The following TBC1D5 variants were observed in gnomAD, a reference collection of about 807,000 sequenced individuals.
The protein encoded by TBC1D5 is TBC1 domain family member 5.
In TBC1D5, 75 loss-of-function variants were observed where a neutral mutation model predicts 100.3. The observed-to-expected ratio is 0.75, with a 90% CI of 0.62 to 0.91. The LOEUF is 0.91. Ranked by LOEUF, TBC1D5 falls within the 40% of genes least tolerant of loss-of-function variation. The pLI is 0.00. For missense variants in TBC1D5, 910 were observed against 942.4 expected (o/e 0.97, Z 0.45); for synonymous variants, 323 against 325.6 (o/e 0.99, Z 0.09).
chr3:17,573,194 C>T (rs919424012), intron 2 of TBC1D5, among the ~76,000 whole-genome samples: 1 of 152,042 alleles, frequency 6.6e-6, no homozygotes, highest in East Asian at 1.9e-4. Flanking sequence ...CAACCAACCT[C>T]TCCCGCAGGT....
exon 5 of TBC1D5, chr3:17,406,446 C>T (rs765340563): frequency 6.2e-7 from 1 of 1,610,276 alleles, no homozygotes; most frequent in Non-Finnish European, 8.5e-7. Context: ...GAACCTGCTG[C>T]TTCTCAGCTG....
At position 17,199,476 on chromosome 3, in the gene TBC1D5, T is replaced by C. The variant is rs184099676; in HGVS notation, c.1753-14268A>G. On this transcript the variant is annotated intron_variant, in intron 18 of 21. Transcript: ENST00000253692. ...TATTTTATGGAATATTTTCACATCA[T>C]GATACATGAATAACAGTTGCATGTA... 4.6e-5 allele frequency among the ~76,000 whole-genome samples: 7 copies of C among 152,352 alleles called. No homozygotes were observed. In the East Asian group the frequency reaches 1.2e-3, roughly 25 times the overall value.
chr3:17,705,471 G>A (rs1163974159), intron 1 of TBC1D5, among the ~76,000 whole-genome samples: 12 of 149,816 alleles, frequency 8.0e-5, no homozygotes, highest in African/African-American at 2.7e-4. Flanking sequence ...GTCGGGCGGA[G>A]GGGCTCCTCA....
At chr3:17,289,470 C>G (rs778176265) in intron 15 of TBC1D5, among the ~76,000 whole-genome samples, 1 of 151,994 alleles carries the variant, frequency 6.6e-6, no homozygotes, top group Non-Finnish European at 1.5e-5. Context: ...CCCATATCTA[C>G]TAAAAATACA....
rs1251267558 is a variant in TBC1D5, at chr3:17,363,544, CT to C, written c.995+8530del. On this transcript the variant is annotated intron_variant, in intron 13 of 21. Coordinates refer to ENST00000253692, the Ensembl canonical transcript of TBC1D5. Reference sequence around the variant, plus strand: ...CACCACCATACCTGGCTAATTTTTTCTTTTTTTTCTTTCCTTTTTCTTTCTT... The same window carrying C: ...CACCACCATACCTGGCTAATTTTTTCTTTTTTTCTTTCCTTTTTCTTTCTT... Among the ~76,000 whole-genome samples, 3 of 150,944 alleles carry C rather than the reference CT, an allele frequency of 2.0e-5. No individual in the cohort carries two copies. In the East Asian group the frequency reaches 5.8e-4, roughly 29 times the overall value.
chr3:17,668,678 T>C (rs2067559881), intron 1 of TBC1D5, among the ~76,000 whole-genome samples: 1 of 152,158 alleles, frequency 6.6e-6, no homozygotes. Context: ...TCATTCTGCG[T>C]AAACTGCCAA....
Position 17,166,804 on chromosome 3 carries a change from T to C in TBC1D5, c.2057A>G (p.Gln686Arg), listed in dbSNP as rs374946583. 1.2e-5 allele frequency: 19 copies of C among 1,614,072 alleles called. No homozygotes were observed. The African/African-American group carries it at 2.0e-4, about 17-fold the overall frequency. ...CCCTGACATTTGAACGCTCTGGCCT[T>C]GGCCTCGGCCCTGGCCCTGGCCGCT... The change falls in exon 21 of 22, where the codon CAA (glutamine) becomes CGA (arginine). Residue 686 changes from glutamine to arginine, a missense_variant. By Grantham distance (43) the Gln-to-Arg change is conservative. Coordinates refer to ENST00000253692, the Ensembl canonical transcript of TBC1D5.
intron 4 of TBC1D5, among the ~76,000 whole-genome samples, chr3:17,408,417 C>T (rs545919292): frequency 6.6e-6 from 1 of 152,132 alleles, no homozygotes; most frequent in South Asian, 2.1e-4. Context: ...TCAATCAATC[C>T]TCCCACCTCA....
intron 2 of TBC1D5, among the ~76,000 whole-genome samples, chr3:17,590,839 G>C (rs1173470745): frequency 6.6e-6 from 1 of 152,050 alleles, no homozygotes; most frequent in African/African-American, 2.4e-5. Flanking sequence ...ATTAATCATG[G>C]TGTTCCTAGA....
chr3:17,591,383 T>C (rs1197235536), intron 2 of TBC1D5, among the ~76,000 whole-genome samples: 1 of 150,886 alleles, frequency 6.6e-6, no homozygotes, highest in East Asian at 2.0e-4. Flanking sequence ...GACCCCACTA[T>C]ATTACCGACA....
intron 19 of TBC1D5, among the ~76,000 whole-genome samples, chr3:17,171,822 T>C (rs143785458): frequency 1.5e-3 from 228 of 152,316 alleles, no homozygotes; most frequent in Non-Finnish European, 2.6e-3. Flanking sequence ...CTAATTGTTA[T>C]ACAGGATGAA....
chr3:17,738,096 C>CAAGAA (rs2077104654), intron 1 of TBC1D5, among the ~76,000 whole-genome samples: 2 of 152,184 alleles, frequency 1.3e-5, no homozygotes, highest in Non-Finnish European at 2.9e-5. Context: ...TTTTTTTCTA[C>CAAGAA]AGCCCTACTT....
intron 1 of TBC1D5, among the ~76,000 whole-genome samples, chr3:17,735,868 G>A (rs1648164802): frequency 1.3e-5 from 2 of 152,160 alleles, no homozygotes; most frequent in African/African-American, 2.4e-5. Flanking sequence ...TAACAAACAC[G>A]GACCAGAAGA....
At chr3:17,705,801 C>T (rs2074061067) in intron 1 of TBC1D5, among the ~76,000 whole-genome samples, 1 of 140,000 alleles carries the variant, frequency 7.1e-6, no homozygotes, top group African/African-American at 2.7e-5. Flanking sequence ...ACATCCCAGA[C>T]GATGGGCGGC....
intron 1 of TBC1D5, among the ~76,000 whole-genome samples, chr3:17,627,387 A>G (rs995102872): frequency 3.3e-5 from 5 of 152,208 alleles, no homozygotes; most frequent in Non-Finnish European, 7.3e-5. Flanking sequence ...TGAATACATA[A>G]TAGTTTAAAA....
At chr3:17,372,195 C>T in exon 13 of TBC1D5, 4 of 1,613,434 alleles carry the variant, frequency 2.5e-6, no homozygotes, top group Non-Finnish European at 3.4e-6. Flanking sequence ...AATTGTTGGC[C>T]CTAAATCTTG....
chr3:17,173,586 A>G (rs1029035509), intron 19 of TBC1D5, among the ~76,000 whole-genome samples: 2 of 152,178 alleles, frequency 1.3e-5, no homozygotes, highest in Admixed American at 1.3e-4. Context: ...AGAGGATTAG[A>G]TGAGATAATC....
intron 2 of TBC1D5, among the ~76,000 whole-genome samples, chr3:17,539,779 G>C (rs2096330048): frequency 6.6e-6 from 1 of 152,140 alleles, no homozygotes; most frequent in African/African-American, 2.4e-5. Context: ...TTCAGCTATT[G>C]TGAATAATGC....
chr3:17,477,054 C>T (rs1430719875), intron 3 of TBC1D5, among the ~76,000 whole-genome samples: 2 of 151,650 alleles, frequency 1.3e-5, no homozygotes, highest in African/African-American at 4.8e-5. Context: ...TATAAATGTC[C>T]TTCTTCATAT....
Sources: allele counts gnomAD v4.1 joint callset (sites outside exome capture counted in the v4.1 genomes callset), GRCh38; gene constraint gnomAD v4.1.1; transcripts MANE v1.5; gene names NCBI Gene and HGNC (gene_info 2026-07-23, HGNC 2026-07-21).